The following PLEK2 variants were observed in gnomAD, a reference collection of about 807,000 sequenced individuals.
PLEK2 encodes the protein pleckstrin-2.
A neutral mutation model predicts 43.8 loss-of-function variants in PLEK2; 29 were observed. The observed-to-expected ratio is 0.66, with a 90% CI of 0.49 to 0.90. PLEK2 has a LOEUF of 0.90. PLEK2 is among the 40% of genes least tolerant of loss of function. The probability of loss-of-function intolerance (pLI) is 0.00; values close to 1 mark genes in which losing one functional copy is unlikely to be tolerated. For missense variants in PLEK2, 398 were observed against 448.1 expected, an observed-to-expected ratio of 0.89 and a Z score of 1.01; for synonymous variants, 162 against 173.2, an observed-to-expected ratio of 0.94 and a Z score of 0.51.
chr14:67,387,555 T>A, intron 8 of PLEK2, 99 bp from the exon 9 acceptor site: 1 of 1,172,054 alleles, frequency 8.5e-7, no homozygotes, highest in Non-Finnish European at 1.2e-6. Flanking sequence ...GACAAAAACA[T>A]ACAATGATGT....
intron 1 of PLEK2, among the ~76,000 whole-genome samples, chr14:67,400,094 G>A (rs1425540319): frequency 6.6e-6 from 1 of 152,204 alleles, no homozygotes; most frequent in Non-Finnish European, 1.5e-5. Flanking sequence ...CGTACTAAGA[G>A]CTGTTAGAGA....
At position 67,395,494 on chromosome 14, in the gene PLEK2, G is replaced by C. The variant is rs780166595; in HGVS notation, c.297C>G (p.Ile99Met). ...GCTGCCCTGCATGAATAGCCCCGGT[G>C]ATCTCAAAGGCCCAGGCATCCCGCT... is the stretch of plus-strand genomic sequence containing the variant. ...REERDAWAFE[I>M]TGAIHAGQPG... The change falls in exon 3 of 9, where the codon ATC becomes ATG. Residue 99 changes from isoleucine to methionine, a missense_variant. Physicochemically the swap from Ile to Met is conservative, Grantham distance 10 (BLOSUM62 1). Coordinates refer to ENST00000216446, the MANE Select transcript of PLEK2 (RefSeq NM_016445.3). 6.2e-6 allele frequency: 10 copies of C among 1,613,914 alleles called. No individual in the cohort carries two copies. Among genetic ancestry groups the C allele is most frequent in the Admixed American group, 3.3e-5 (2 of 60,004 alleles).
intron 2 of PLEK2, 126 bp downstream of exon 2, chr14:67,397,536 T>G: frequency 1.3e-6 from 1 of 766,846 alleles, no homozygotes; most frequent in Non-Finnish European, 2.0e-6. Flanking sequence ...GGAGCCAGGA[T>G]TTGAATCCAA....
chr14:67,403,476 C>T (rs985403102), intron 1 of PLEK2, among the ~76,000 whole-genome samples: 58 of 152,322 alleles, frequency 3.8e-4, no homozygotes, highest in Middle Eastern at 3.4e-3. Flanking sequence ...TGGTCCCCAG[C>T]TCTATGGCAT....
chr14:67,404,461 A>C (rs559235179), intron 1 of PLEK2, among the ~76,000 whole-genome samples: 2 of 152,216 alleles, frequency 1.3e-5, no homozygotes, highest in South Asian at 4.2e-4. Flanking sequence ...TGTCTCAAAA[A>C]CAAAACTAAA....
intron 2 of PLEK2, 43 bp downstream of exon 2, chr14:67,397,619 C>A: frequency 6.5e-7 from 1 of 1,541,988 alleles, no homozygotes; most frequent in East Asian, 2.3e-5. Flanking sequence ...GGTGGGAAGG[C>A]TGTGGAACAG....
intron 1 of PLEK2, among the ~76,000 whole-genome samples, chr14:67,411,797 G>A (rs2086116855): frequency 6.6e-6 from 1 of 152,244 alleles, no homozygotes; most frequent in South Asian, 2.1e-4. Context: ...TAACCAAGTG[G>A]GATTCTCCTC....
In PLEK2 at chr14:67,387,301, G is replaced by T; in HGVS notation, c.*28C>A. 2 of 1,594,574 alleles carry T rather than the reference G, an allele frequency of 1.3e-6. No individual in the cohort carries two copies. The highest frequency in any genetic ancestry group is 2.3e-5 in the South Asian group (2 of 87,298). Reference sequence around the variant, plus strand: ...CTTGTCTGTGTCATCTGGTAGGAGGGAGGAATCCTGGTTCCCTCAGGTCCT... The same window carrying T: ...CTTGTCTGTGTCATCTGGTAGGAGGTAGGAATCCTGGTTCCCTCAGGTCCT... On this transcript the variant is annotated 3_prime_UTR_variant, in exon 9 of 9. Coordinates refer to ENST00000216446, the MANE Select transcript of PLEK2 (RefSeq NM_016445.3).
chr14:67,400,205 A>G (rs551594804), intron 1 of PLEK2, among the ~76,000 whole-genome samples: 4 of 152,332 alleles, frequency 2.6e-5, no homozygotes, highest in African/African-American at 9.6e-5. Flanking sequence ...TACTGTGACA[A>G]CTAAAGAACA....
At chr14:67,396,036 C>T (rs2139857886) in intron 2 of PLEK2, among the ~76,000 whole-genome samples, 1 of 152,320 alleles carries the variant, frequency 6.6e-6, no homozygotes, top group South Asian at 2.1e-4. Context: ...GTTAGTCATG[C>T]TCCCTTCCGT....
intron 8 of PLEK2, 65 bp from the exon 9 acceptor site, chr14:67,387,521 C>G (rs2085935524): frequency 6.5e-7 from 1 of 1,530,670 alleles, no homozygotes; most frequent in Admixed American, 2.0e-5. Flanking sequence ...CATCTTGAAC[C>G]AGCAGAAAGT....
chr14:67,392,933 C>A (rs769007258), intron 4 of PLEK2, 84 bp from the exon 5 acceptor site: 42 of 1,198,770 alleles, frequency 3.5e-5, no homozygotes, highest in Non-Finnish European at 4.7e-5. Flanking sequence ...CTGACCTTGG[C>A]CCTCTGGGCA....
chr14:67,387,063 G>A lies in PLEK2; in HGVS notation c.*266C>T, dbSNP rs1381653597. On this transcript the variant is annotated 3_prime_UTR_variant, in exon 9 of 9. Transcript: ENST00000216446. ...ACAAAGGGAACCTACTTTGGTGCCC[G>A]AGGAAATGGCTGTTTGTGATGCTGG... is the stretch of plus-strand genomic sequence containing the variant. 10 of 290,368 alleles carry A rather than the reference G, an allele frequency of 3.4e-5. No homozygotes were observed. The highest frequency in any genetic ancestry group is 6.3e-5 in the Non-Finnish European group (10 of 157,754). 18.0% of individuals were successfully genotyped at this position (290,368 alleles called of 1,614,324 possible).
intron 1 of PLEK2, among the ~76,000 whole-genome samples, chr14:67,403,465 A>G (rs1189627651): frequency 6.6e-6 from 1 of 152,208 alleles, no homozygotes; most frequent in Non-Finnish European, 1.5e-5. Flanking sequence ...GTCTGACTGT[A>G]TGGTCCCCAG....
In PLEK2 at chr14:67,393,578, G is replaced by A. The variant is rs567592875; in HGVS notation, c.390-337C>T. 4.6e-5 allele frequency among the ~76,000 whole-genome samples: 7 copies of A among 152,064 alleles called. No individual in the cohort carries two copies. The East Asian group carries it at 5.8e-4, about 13-fold the overall frequency. ...AAGTGATTCTCCTGCCTCAACCTCC[G>A]GAGCAGCTGGGATTACAGACATTTG... On this transcript the variant is annotated intron_variant, in intron 3 of 8. Coordinates refer to ENST00000216446, the MANE Select transcript of PLEK2 (RefSeq NM_016445.3).
chr14:67,389,036 A>T (rs577742801), intron 7 of PLEK2, among the ~76,000 whole-genome samples: 14 of 151,698 alleles, frequency 9.2e-5, no homozygotes, highest in Admixed American at 3.9e-4. Context: ...CGTTACACAA[A>T]TCTAGTATGT....
At chr14:67,411,270 T>C (rs1405545608) in intron 1 of PLEK2, among the ~76,000 whole-genome samples, 1 of 152,126 alleles carries the variant, frequency 6.6e-6, no homozygotes, top group Non-Finnish European at 1.5e-5. Flanking sequence ...TCGTTTGCCC[T>C]GGGCCACCTG....
In PLEK2 at chr14:67,395,588, G is replaced by A. The variant is rs769539656; in HGVS notation, c.208-5C>T. On this transcript the variant is annotated splice_polypyrimidine_tract_variant and splice_region_variant and intron_variant, in intron 2 of 8. Coordinates refer to ENST00000216446, the MANE Select transcript of PLEK2 (RefSeq NM_016445.3). ...AGTCTTCAGCTTAATGAGGAGCTGTGGGAAGAGAGAGCCAGTCAGGCCAGC... is the reference window on the plus strand; with the variant it reads ...AGTCTTCAGCTTAATGAGGAGCTGTAGGAAGAGAGAGCCAGTCAGGCCAGC... 6.2e-7 allele frequency: 1 copy of A among 1,613,736 alleles called. No individual in the cohort carries two copies. The highest frequency in any genetic ancestry group is 1.3e-5 in the African/African-American group (1 of 74,930).
chr14:67,405,340 T>G (rs2086072011), intron 1 of PLEK2, among the ~76,000 whole-genome samples: 1 of 152,116 alleles, frequency 6.6e-6, no homozygotes, highest in Non-Finnish European at 1.5e-5. Context: ...AAAAATGAAT[T>G]TAAATTTAAA....
Sources: gnomAD v4.1 joint callset for allele counts (sites outside exome capture counted in the v4.1 genomes callset) on GRCh38, gnomAD v4.1.1 for gene constraint, MANE v1.5 for transcripts, NCBI Gene and HGNC (gene_info 2026-07-23, HGNC 2026-07-21) for gene names.